ADARB2: variants seen among roughly 807,000 people sequenced by gnomAD.
ADARB2 encodes the protein adenosine deaminase RNA specific B2 (inactive).
A neutral mutation model predicts 62.2 loss-of-function variants in ADARB2; 25 were observed. The ratio of observed to expected loss-of-function variants is 0.40; its 90% confidence interval spans 0.29 to 0.56. ADARB2 has a LOEUF of 0.56. Among genes scored for constraint, ADARB2 ranks in the 20% least tolerant of loss-of-function variants. The pLI is 0.43. For missense variants in ADARB2, 1,071 were observed against 1,077.4 expected, an observed-to-expected ratio of 0.99 and a Z score of 0.08; for synonymous variants, 572 against 500.8, an observed-to-expected ratio of 1.14 and a Z score of -1.90.
intron 1 of ADARB2, among the ~76,000 whole-genome samples, chr10:1,405,620 A>G (rs1832700790): frequency 1.8e-5 from 2 of 108,674 alleles, no homozygotes; most frequent in African/African-American, 6.9e-5. Flanking sequence ...AGAGTGTGAG[A>G]TTCAGTCTCA....
chr10:1,727,949 G>A (rs1835188060), intron 1 of ADARB2, among the ~76,000 whole-genome samples: 1 of 152,184 alleles, frequency 6.6e-6, no homozygotes, highest in South Asian at 2.1e-4. Context: ...AATGTTTAAG[G>A]CAAAATTGCA....
intron 3 of ADARB2, among the ~76,000 whole-genome samples, chr10:1,293,918 A>G (rs779593930): frequency 1.3e-5 from 2 of 151,886 alleles, no homozygotes; most frequent in Non-Finnish European, 2.9e-5. Context: ...CGGCAGGGCA[A>G]TGTCTTTCTC....
At chr10:1,529,961 G>A (rs75477519) in intron 1 of ADARB2, among the ~76,000 whole-genome samples, 4 of 23,052 alleles carry the variant, frequency 1.7e-4, no homozygotes, top group African/African-American at 2.3e-4. Flanking sequence ...CTGCCACTGT[G>A]GGCACCCATC....
chr10:1,715,985 G>A lies in ADARB2; in HGVS notation c.100+21066C>T, dbSNP rs531614497. On this transcript the variant is annotated intron_variant, in intron 1 of 9. Transcript: ENST00000381312. ...GCACCCTGTTCATTCCACAACTCAC[G>A]CCCAGCTGCTGTATGCACACTCCCC... Among the ~76,000 whole-genome samples, 9 of 151,904 alleles carry A rather than the reference G, an allele frequency of 5.9e-5. No homozygotes were observed. The South Asian group carries it at 1.7e-3, about 28-fold the overall frequency.
At chr10:1,611,748 A>C (rs778327192) in intron 1 of ADARB2, among the ~76,000 whole-genome samples, 4 of 152,216 alleles carry the variant, frequency 2.6e-5, no homozygotes, top group Non-Finnish European at 5.9e-5. Flanking sequence ...ACCTTAGCTC[A>C]AGGTGACTTG....
At chr10:1,482,457 G>A (rs1196856858) in intron 1 of ADARB2, among the ~76,000 whole-genome samples, 1 of 152,192 alleles carries the variant, frequency 6.6e-6, no homozygotes, top group Non-Finnish European at 1.5e-5. Context: ...GATTCCACTT[G>A]CATGAGGGAC....
chr10:1,242,017 C>T, intron 5 of ADARB2, 114 bp downstream of exon 5: 1 of 1,171,746 alleles, frequency 8.5e-7, no homozygotes, highest in Non-Finnish European at 1.2e-6. Flanking sequence ...CTGGCTCACC[C>T]TGTGCCAGGA....
chr10:1,273,894 C>T (rs114563820), intron 3 of ADARB2, among the ~76,000 whole-genome samples: 3,566 of 152,222 alleles, frequency 0.023, 55 homozygotes, highest in African/African-American at 0.036. Flanking sequence ...GACCGGGTGA[C>T]GGGTGGGACC....
intron 1 of ADARB2, among the ~76,000 whole-genome samples, chr10:1,601,105 C>T (rs932559202): frequency 8.5e-5 from 13 of 152,204 alleles, no homozygotes; most frequent in African/African-American, 2.9e-4. Flanking sequence ...TTTGCATTGG[C>T]CACAGACCGG....
intron 1 of ADARB2, among the ~76,000 whole-genome samples, chr10:1,662,014 G>C (rs1212864808): frequency 6.6e-6 from 1 of 152,286 alleles, no homozygotes; most frequent in Admixed American, 6.5e-5. Context: ...TCCTCTCAGG[G>C]CATGTGCATT....
intron 1 of ADARB2, among the ~76,000 whole-genome samples, chr10:1,573,958 T>A (rs1342458071): frequency 6.6e-6 from 1 of 152,236 alleles, no homozygotes; most frequent in Non-Finnish European, 1.5e-5. Flanking sequence ...ACTACATCTC[T>A]TAACCTTTTG....
At chr10:1,646,494 A>G (rs1834043898) in intron 1 of ADARB2, among the ~76,000 whole-genome samples, 1 of 152,170 alleles carries the variant, frequency 6.6e-6, no homozygotes, top group South Asian at 2.1e-4. Context: ...CTTGATGACT[A>G]TTGGGAAGGG....
chr10:1,414,677 G>A (rs1266496056), intron 1 of ADARB2, among the ~76,000 whole-genome samples: 1 of 152,160 alleles, frequency 6.6e-6, no homozygotes, highest in Non-Finnish European at 1.5e-5. Flanking sequence ...CAGAGCTTGG[G>A]GCCTTTGCAG....
At position 1,327,324 on chromosome 10, in the gene ADARB2, G is replaced by GCC. The variant is rs1831873351; in HGVS notation, c.1077+35703_1077+35704insGG. Among the ~76,000 whole-genome samples, 5 of 52,848 alleles carry GCC rather than the reference G, an allele frequency of 9.5e-5. 2 individuals carry two copies. Among genetic ancestry groups the GCC allele is most frequent in the African/African-American group, 2.1e-4 (3 of 13,970 alleles). 34.7% of individuals were successfully genotyped at this position (52,848 alleles called of 152,430 possible). ...CCCCACGGCACAGCACCTCCTCACT[G>GCC]CACAGCGCCTCCTCACTGCACAGCG... On this transcript the variant is annotated intron_variant, in intron 3 of 9. Coordinates refer to ENST00000381312, the MANE Select transcript of ADARB2 (RefSeq NM_018702.4).
At chr10:1,217,244 G>C in intron 6 of ADARB2, 125 bp from the exon 7 acceptor site, 1 of 981,200 alleles carries the variant, frequency 1.0e-6, no homozygotes, top group Non-Finnish European at 1.4e-6. Flanking sequence ...CGTTTGGCAC[G>C]AGGAAGGGGC....
intron 1 of ADARB2, among the ~76,000 whole-genome samples, chr10:1,617,744 ATGTT>A (rs1833661352): frequency 6.6e-6 from 1 of 150,644 alleles, no homozygotes; most frequent in Non-Finnish European, 1.5e-5. Flanking sequence ...CTGTCGCTAG[ATGTT>A]TGTTTGCCTG....
rs144565549 is a variant in ADARB2, at chr10:1,270,990, C to A, written c.1157G>T (p.Arg386Leu). Residue 386 changes from arginine (R) to leucine (L), a missense_variant, in exon 4 of 10, where the codon CGC (arginine) becomes CTC (leucine). Transcript: ENST00000381312. ...VTTDLTPMHA[R>L]HKALAGIVMT... ...GACGATTCCTGCCAGCGCTTTATGG[C>A]GGGCGTGCATGGGCGTGAGGTCCGT... 6.2e-7 allele frequency: 1 copy of A among 1,613,490 alleles called. No individual in the cohort carries two copies. The highest frequency in any genetic ancestry group is 1.1e-5 in the South Asian group (1 of 90,912).
intron 6 of ADARB2, among the ~76,000 whole-genome samples, chr10:1,219,866 A>G (rs1314852025): frequency 6.7e-4 from 70 of 105,078 alleles, no homozygotes; most frequent in East Asian, 9.1e-4. Context: ...TGATGATGGT[A>G]ATGGTGGTGG....
At chr10:1,410,927 G>A (rs1371076257) in intron 1 of ADARB2, among the ~76,000 whole-genome samples, 1 of 152,128 alleles carries the variant, frequency 6.6e-6, no homozygotes, top group African/African-American at 2.4e-5. Flanking sequence ...TCCCTCTCCC[G>A]AGCTGCGCCC....
Sources: allele counts gnomAD v4.1 joint callset (sites outside exome capture counted in the v4.1 genomes callset), GRCh38; gene constraint gnomAD v4.1.1; transcripts MANE v1.5; gene names NCBI Gene and HGNC (gene_info 2026-07-23, HGNC 2026-07-21).